Variants in KANK4 observed in about 807,000 individuals in gnomAD.
KANK4 encodes the protein KN motif and ankyrin repeat domains 4.
In KANK4, 50 loss-of-function variants were observed where a neutral mutation model predicts 80.8. The observed-to-expected ratio is 0.62, with a 90% CI of 0.49 to 0.78. KANK4 has a LOEUF of 0.78. Ranked by LOEUF, KANK4 falls within the 30% of genes least tolerant of loss-of-function variation. The probability of loss-of-function intolerance (pLI) is 0.00; values close to 1 mark genes in which losing one functional copy is unlikely to be tolerated. For missense variants in KANK4, 1,196 were observed against 1,240.1 expected (o/e 0.96, Z 0.53); for synonymous variants, 465 against 506.9 (o/e 0.92, Z 1.11).
chr1:62,247,505 TG>T lies in KANK4; in HGVS notation c.2849del (p.Ala950AspfsTer9). Reference protein sequence around the residue: ...GNVDLVRLLLAHPACDSSLTD... With the variant: ...GNVDLVRLLLXHPACDSSLTD... The stretch of plus-strand genomic sequence containing the variant: ...TCAGGCTGCTGTCGCAGGCTGGGTG[TG>T]CCAGGAGCAGCCGCACCAGGTCCAC... On this transcript the variant is annotated frameshift_variant, in exon 9 of 10. Coordinates refer to ENST00000371153, the MANE Select transcript of KANK4 (RefSeq NM_181712.5). LOFTEE classifies it high-confidence loss of function. The T allele has an allele frequency of 6.2e-7, 1 of 1,613,958 alleles. No individual in the cohort carries two copies. Among genetic ancestry groups the T allele is most frequent in the Non-Finnish European group, 8.5e-7 (1 of 1,180,026 alleles).
chr1:62,280,833 C>T (rs1295143514), intron 2 of KANK4, among the ~76,000 whole-genome samples: 1 of 152,226 alleles, frequency 6.6e-6, no homozygotes, highest in African/African-American at 2.4e-5. Flanking sequence ...AAGATAGCCA[C>T]AATAATATCT....
chr1:62,309,677 T>G (rs1412106213), intron 1 of KANK4, among the ~76,000 whole-genome samples: 1 of 152,166 alleles, frequency 6.6e-6, no homozygotes, highest in African/African-American at 2.4e-5. Flanking sequence ...ATCTTTTTTG[T>G]CCCCATTTTA....
intron 1 of KANK4, among the ~76,000 whole-genome samples, chr1:62,302,423 T>C (rs886745568): frequency 2.0e-5 from 3 of 152,138 alleles, no homozygotes; most frequent in Non-Finnish European, 4.4e-5. Flanking sequence ...CCTTAGGAGC[T>C]AGATGCTTTT....
At position 62,273,606 on chromosome 1, in the gene KANK4, T is replaced by C; in HGVS notation, c.1498A>G (p.Arg500Gly). Residue 500 changes from arginine to glycine, a missense_variant, in exon 3 of 10, where the codon AGG becomes GGG. Coordinates refer to ENST00000371153, the MANE Select transcript of KANK4 (RefSeq NM_181712.5). ...SVHSFLSTEL[R>G]IEEAGTEQEG... ...TGTTCAGTGCCTGCTTCTTCAATCC[T>C]GAGTTCAGTGGAGAGGAAGCTATGT... 6.2e-7 allele frequency: 1 copy of C among 1,614,108 alleles called. No homozygotes were observed. The highest frequency in any genetic ancestry group is 8.5e-7 in the Non-Finnish European group (1 of 1,180,010).
Position 62,273,945 on chromosome 1 carries a change from G to C in KANK4, c.1159C>G (p.Leu387Val). The change falls in exon 3 of 10, where the codon CTG becomes GTG. Residue 387 changes from leucine (L) to valine (V), a missense_variant. Around this residue, in one of 3 missense-constraint regions of KANK4, gnomAD observed 1,154 missense variants for 1,179.6 expected, o/e 0.98. Coordinates refer to ENST00000371153, the MANE Select transcript of KANK4 (RefSeq NM_181712.5). ...IKAREQRIRELEFTVAQLEGQ... is the reference protein window; with the variant it reads ...IKAREQRIREVEFTVAQLEGQ... ...TCCAGTTGGGCTACAGTGAACTCCA[G>C]CTCTCGAATTCTTTGCTCCCTAGCT... 1 of 1,614,196 alleles carries C rather than the reference G, an allele frequency of 6.2e-7. No homozygotes were observed. Among genetic ancestry groups the C allele is most frequent in the South Asian group, 1.1e-5 (1 of 91,084 alleles).
intron 1 of KANK4, chr1:62,298,367 T>C (rs1162924902): frequency 6.6e-6 from 1 of 152,256 alleles, no homozygotes; most frequent in Non-Finnish European, 1.5e-5. Context: ...CTGTAGTTCA[T>C]TGTTTCTCAA....
rs1321435125 is a variant in KANK4 at position 62,281,451 on chromosome 1, G to A, written c.16+98C>T. On this transcript the variant is annotated intron_variant, in intron 2 of 9. Coordinates refer to ENST00000371153, the MANE Select transcript of KANK4 (RefSeq NM_181712.5). ...ACTGCCTGTTTGAGGGATATCTCCT[G>A]CAGGCCTTTCCTAGGCTATTTCCAG... 1.1e-5 allele frequency: 15 copies of A among 1,419,208 alleles called. No individual in the cohort carries two copies. In the Admixed American group the frequency reaches 2.3e-4, roughly 22 times the overall value. 87.9% of individuals were successfully genotyped at this position (1,419,208 alleles called of 1,614,324 possible).
At chr1:62,250,020 C>T (rs1344189522) in intron 8 of KANK4, among the ~76,000 whole-genome samples, 1 of 151,806 alleles carries the variant, frequency 6.6e-6, no homozygotes, top group African/African-American at 2.4e-5. Context: ...GAGTCTCGCT[C>T]TGTCACCCAG....
chr1:62,267,674 C>G (rs551658564), intron 5 of KANK4, among the ~76,000 whole-genome samples: 26 of 151,972 alleles, frequency 1.7e-4, no homozygotes, highest in Non-Finnish European at 3.4e-4. Flanking sequence ...TGGTGGTGAG[C>G]ACCTGTAGTC....
intron 9 of KANK4, among the ~76,000 whole-genome samples, chr1:62,241,380 G>A (rs1003432792): frequency 2.0e-5 from 3 of 152,256 alleles, no homozygotes; most frequent in East Asian, 1.9e-4. Context: ...TGGGACCCCC[G>A]AAGATGGCAC....
intron 1 of KANK4, among the ~76,000 whole-genome samples, chr1:62,309,406 G>A (rs1389869449): frequency 6.6e-6 from 1 of 152,178 alleles, no homozygotes; most frequent in African/African-American, 2.4e-5. Flanking sequence ...AGAATCCCAG[G>A]CAGACCTGGT....
At chr1:62,314,593 C>G (rs1002645550) in intron 1 of KANK4, among the ~76,000 whole-genome samples, 2 of 152,088 alleles carry the variant, frequency 1.3e-5, no homozygotes, top group Non-Finnish European at 1.5e-5. Flanking sequence ...TTTCTCTCCC[C>G]CCTTGTCATT....
At chr1:62,297,076 G>C (rs759327691) in intron 1 of KANK4, among the ~76,000 whole-genome samples, 8 of 151,848 alleles carry the variant, frequency 5.3e-5, no homozygotes, top group Non-Finnish European at 1.0e-4. Flanking sequence ...AATTAGCCGG[G>C]TGTGGTGATG....
chr1:62,260,551 A>G (rs1438248718), intron 7 of KANK4, among the ~76,000 whole-genome samples: 1 of 152,138 alleles, frequency 6.6e-6, no homozygotes, highest in African/African-American at 2.4e-5. Context: ...CACCTCCTTC[A>G]GCCAAGACAC....
chr1:62,246,492 G>A (rs1671469317), intron 9 of KANK4, among the ~76,000 whole-genome samples: 1 of 152,220 alleles, frequency 6.6e-6, no homozygotes, highest in Non-Finnish European at 1.5e-5. Context: ...TCAGGGCCAA[G>A]CCAGGCCTGG....
chr1:62,284,110 GC>G (rs1672509668), intron 1 of KANK4, among the ~76,000 whole-genome samples: 2 of 152,080 alleles, frequency 1.3e-5, no homozygotes, highest in African/African-American at 4.8e-5. Flanking sequence ...ACCACTTCCA[GC>G]CCCGACTCCC....
intron 6 of KANK4, among the ~76,000 whole-genome samples, chr1:62,263,676 C>A (rs1671949917): frequency 6.6e-6 from 1 of 152,112 alleles, no homozygotes; most frequent in Admixed American, 6.5e-5. Context: ...CCCCCTCACA[C>A]AGCCAGCCCA....
chr1:62,253,388 T>G (rs1338040802), intron 7 of KANK4, among the ~76,000 whole-genome samples, 179 bp from the exon 8 acceptor site: 1 of 148,662 alleles, frequency 6.7e-6, no homozygotes, highest in Non-Finnish European at 1.5e-5. Flanking sequence ...GTTTCTTTTC[T>G]TTTCTTTTTT....
At chr1:62,302,574 T>C (rs74078522) in intron 1 of KANK4, among the ~76,000 whole-genome samples, 6,622 of 152,100 alleles carry the variant, frequency 0.044, 466 homozygotes, top group African/African-American at 0.15. Context: ...TTTGGGCAGA[T>C]AGAGCAGATG....
Sources: allele counts gnomAD v4.1 joint callset (sites outside exome capture counted in the v4.1 genomes callset), GRCh38; gene constraint gnomAD v4.1.1; regional missense constraint gnomAD v4.1.1; transcripts MANE v1.5; gene names NCBI Gene and HGNC (gene_info 2026-07-23, HGNC 2026-07-21).